The following DIP2B variants were observed in gnomAD, a reference collection of about 807,000 sequenced individuals.
The protein encoded by DIP2B is DIP2 acetate--CoA ligase B (putative).
A neutral mutation model predicts 198.0 loss-of-function variants in DIP2B; 76 were observed. The observed-to-expected ratio is 0.38, with a 90% CI of 0.32 to 0.46. The LOEUF is 0.46. Ranked by LOEUF, DIP2B falls within the 20% of genes least tolerant of loss-of-function variation. DIP2B has a pLI of 0.99. For synonymous variants in DIP2B, 701 were observed against 739.1 expected, an observed-to-expected ratio of 0.95 and a Z score of 0.84; for missense variants, 1,559 against 1,978.4, an observed-to-expected ratio of 0.79 and a Z score of 4.02.
intron 28 of DIP2B, among the ~76,000 whole-genome samples, chr12:50,727,045 C>A (rs1188426337): frequency 6.6e-6 from 1 of 152,066 alleles, no homozygotes; most frequent in Non-Finnish European, 1.5e-5. Flanking sequence ...TTGAACTCAG[C>A]AGATGGAGGT....
intron 30 of DIP2B, 108 bp from the exon 31 acceptor site, chr12:50,731,261 C>T (rs1940037048): frequency 7.3e-7 from 1 of 1,361,794 alleles, no homozygotes; most frequent in Admixed American, 2.1e-5. Context: ...TCATATGTCC[C>T]TACACTGTCC....
intron 11 of DIP2B, 98 bp downstream of exon 11, chr12:50,686,054 T>G: frequency 8.5e-7 from 1 of 1,179,236 alleles, no homozygotes; most frequent in Non-Finnish European, 1.2e-6. Flanking sequence ...TACATATATG[T>G]TCTATTTAAT....
chr12:50,674,878 C>T (rs1277485480), intron 6 of DIP2B, among the ~76,000 whole-genome samples: 2 of 152,132 alleles, frequency 1.3e-5, no homozygotes, highest in African/African-American at 2.4e-5. Flanking sequence ...AAAAGAATAA[C>T]AGAGGGCCGG....
intron 4 of DIP2B, among the ~76,000 whole-genome samples, chr12:50,662,906 C>T (rs1024728809): frequency 6.6e-6 from 1 of 151,712 alleles, no homozygotes; most frequent in African/African-American, 2.4e-5. Context: ...GTCAGGAGTT[C>T]GAGATCAGCC....
Position 50,691,101 on chromosome 12 carries a change from C to T in DIP2B, c.1604C>T (p.Ala535Val). The change falls in exon 13 of 38, where the codon GCA becomes GTA. Residue 535 changes from alanine (A) to valine (V), a missense_variant. Transcript: ENST00000301180. The part of the protein sequence containing the change: ...SVMGVTVSRL[A>V]MLSHCQALSQ... ...ATGGGAGTTACAGTATCCCGGCTTG[C>T]AATGTTGTCTCACTGCCAAGCTCTG... The T allele has an allele frequency of 6.2e-7, 1 of 1,614,056 alleles. No individual in the cohort carries two copies. Among genetic ancestry groups the T allele is most frequent in the South Asian group, 1.1e-5 (1 of 91,074 alleles).
At chr12:50,532,320 G>C (rs1443892687) in intron 1 of DIP2B, among the ~76,000 whole-genome samples, 1 of 152,076 alleles carries the variant, frequency 6.6e-6, no homozygotes, top group Non-Finnish European at 1.5e-5. Flanking sequence ...TTCCAGACCA[G>C]TCTGGCCAGC....
At chr12:50,527,781 A>G (rs1958180227) in intron 1 of DIP2B, among the ~76,000 whole-genome samples, 2 of 152,160 alleles carry the variant, frequency 1.3e-5, no homozygotes, top group South Asian at 4.1e-4. Flanking sequence ...GTGTTAAAAC[A>G]TGATTAAAAT....
chr12:50,698,578 C>T (rs1417784953), intron 18 of DIP2B, 111 bp downstream of exon 18: 22 of 1,317,764 alleles, frequency 1.7e-5, no homozygotes, highest in Non-Finnish European at 2.1e-5. Context: ...CAGTACTTAA[C>T]GCATTTAATT....
At chr12:50,653,975 G>A (rs1360576565) in intron 3 of DIP2B, among the ~76,000 whole-genome samples, 1 of 152,068 alleles carries the variant, frequency 6.6e-6, no homozygotes, top group Non-Finnish European at 1.5e-5. Context: ...CTGGGTTCAA[G>A]CAATTCTCCT....
At chr12:50,536,271 G>GCGTGCATACATA (rs1555182425) in intron 1 of DIP2B, among the ~76,000 whole-genome samples, 2 of 147,972 alleles carry the variant, frequency 1.4e-5, no homozygotes, top group African/African-American at 5.0e-5. Flanking sequence ...CTAAATACGT[G>GCGTGCATACATA]CATACATACA....
At chr12:50,733,979 G>A (rs1447857909) in intron 32 of DIP2B, among the ~76,000 whole-genome samples, 156 bp from the exon 33 acceptor site, 6 of 152,196 alleles carry the variant, frequency 3.9e-5, no homozygotes, top group Admixed American at 2.6e-4. Flanking sequence ...CACAGTCCCC[G>A]TGATAAGAGT....
intron 31 of DIP2B, 98 bp from the exon 32 acceptor site, chr12:50,732,268 C>T: frequency 7.2e-7 from 1 of 1,380,418 alleles, no homozygotes; most frequent in Non-Finnish European, 9.9e-7. Context: ...TACACAATTG[C>T]TTGGCTTTTC....
chr12:50,519,159 C>T (rs13328926), intron 1 of DIP2B, among the ~76,000 whole-genome samples: 9,901 of 152,210 alleles, frequency 0.065, 773 homozygotes, highest in East Asian at 0.38. Flanking sequence ...TATTTCTTAC[C>T]ATGCTTTGCA....
chr12:50,709,309 T>G (rs1052328542), intron 22 of DIP2B, among the ~76,000 whole-genome samples: 4 of 152,208 alleles, frequency 2.6e-5, no homozygotes, highest in African/African-American at 9.6e-5. Flanking sequence ...ATTGTTATTA[T>G]CCATCTTTAC....
intron 1 of DIP2B, among the ~76,000 whole-genome samples, chr12:50,608,713 C>T (rs1037217034): frequency 1.3e-5 from 2 of 151,932 alleles, no homozygotes; most frequent in Admixed American, 6.5e-5. Flanking sequence ...ACTCTTAATG[C>T]GTGTTCCTAG....
chr12:50,595,544 A>G (rs931703275), intron 1 of DIP2B, among the ~76,000 whole-genome samples: 5 of 152,128 alleles, frequency 3.3e-5, no homozygotes, highest in Admixed American at 6.6e-5. Flanking sequence ...GGCTCAAGCA[A>G]TCTGTCTGCC....
At chr12:50,552,502 G>A (rs56089074) in intron 1 of DIP2B, among the ~76,000 whole-genome samples, 41,637 of 151,836 alleles carry the variant, frequency 0.27, 6,424 homozygotes, top group Non-Finnish European at 0.35. Flanking sequence ...TCCTGACTTC[G>A]TGATCCACCC....
intron 3 of DIP2B, chr12:50,654,928 A>T: frequency 2.4e-6 from 1 of 422,360 alleles, no homozygotes; most frequent in South Asian, 1.7e-5. Context: ...TGCTAGTAGT[A>T]ATGCAGTGTG....
At chr12:50,709,658 C>T (rs1279360524) in intron 22 of DIP2B, among the ~76,000 whole-genome samples, 1 of 151,376 alleles carries the variant, frequency 6.6e-6, no homozygotes, top group East Asian at 1.9e-4. Flanking sequence ...AAAAATTATC[C>T]AGGCATAGTT....
Sources: allele counts gnomAD v4.1 joint callset (sites outside exome capture counted in the v4.1 genomes callset), GRCh38; gene constraint gnomAD v4.1.1; transcripts MANE v1.5; gene names NCBI Gene and HGNC (gene_info 2026-07-23, HGNC 2026-07-21).